The following LRP1B variants were observed in gnomAD, a reference collection of about 807,000 sequenced individuals.
The protein encoded by LRP1B is LDL receptor related protein 1B.
A neutral mutation model predicts 556.6 loss-of-function variants in LRP1B; 217 were observed. The ratio of observed to expected loss-of-function variants is 0.39; its 90% CI spans 0.35 to 0.44. The LOEUF (loss-of-function observed/expected upper bound fraction) is 0.44, where lower values mean the gene tolerates loss of function less well. Among genes scored for constraint, LRP1B ranks in the 20% least tolerant of loss-of-function variants. LRP1B has a pLI of 1.00. For missense variants in LRP1B, 5,053 were observed against 5,620.8 expected, an observed-to-expected ratio of 0.90 and a Z score of 3.23; for synonymous variants, 2,047 against 1,865.8, an observed-to-expected ratio of 1.10 and a Z score of -2.50.
chr2:141,315,325 T>C (rs1032104780), intron 3 of LRP1B, among the ~76,000 whole-genome samples: 2 of 134,614 alleles, frequency 1.5e-5, no homozygotes, highest in Non-Finnish European at 3.1e-5. Flanking sequence ...AGTGGCGCGA[T>C]CTTGGCTCAC....
chr2:141,456,766 AT>A (rs1393389668), intron 3 of LRP1B, among the ~76,000 whole-genome samples: 1 of 152,218 alleles, frequency 6.6e-6, no homozygotes, highest in Non-Finnish European at 1.5e-5. Flanking sequence ...TAGCAAAAGT[AT>A]TTCAAGTAGT....
chr2:141,783,456 C>T (rs1310388573), intron 2 of LRP1B, among the ~76,000 whole-genome samples: 6 of 152,000 alleles, frequency 3.9e-5, no homozygotes, highest in South Asian at 2.1e-4. Context: ...TGAAAATTTC[C>T]TTGACTGCAT....
rs769462194 is a variant in LRP1B at position 141,480,487 on chromosome 2, G to A, written c.252C>T (p.Cys84=). 6 of 1,613,802 alleles carry A rather than the reference G, an allele frequency of 3.7e-6. No homozygotes were observed. The South Asian group carries it at 6.6e-5, about 18-fold the overall frequency. The change falls in exon 3 of 91, where the codon TGC becomes TGT. Residue 84 remains cysteine, a synonymous_variant. Coordinates refer to ENST00000389484, the MANE Select transcript of LRP1B (RefSeq NM_018557.3). ...AATGAACACATTTGTTGGTACCAAG[G>A]CAAGCAATGTGATTCAAGGGGCACT... ...EIKCPLNHIA[C]LGTNKCVHLS...
chr2:140,276,644 A>G (rs1573722238), intron 84 of LRP1B, among the ~76,000 whole-genome samples: 1 of 151,994 alleles, frequency 6.6e-6, no homozygotes, highest in Admixed American at 6.6e-5. Context: ...CCTCTAACTC[A>G]TAAAAAGCTC....
intron 20 of LRP1B, among the ~76,000 whole-genome samples, chr2:140,935,964 CTATA>C (rs1302851495): frequency 6.6e-6 from 1 of 150,854 alleles, no homozygotes; most frequent in African/African-American, 2.4e-5. Context: ...ATACATATAC[CTATA>C]TATATGCATA....
intron 60 of LRP1B, among the ~76,000 whole-genome samples, chr2:140,460,166 T>C (rs2105327696): frequency 6.6e-6 from 1 of 152,254 alleles, no homozygotes; most frequent in Middle Eastern, 3.4e-3. Flanking sequence ...ATAAAAGTAC[T>C]GGTATTTGAA....
At position 141,111,542 on chromosome 2, in the gene LRP1B, G is replaced by A. The variant is rs148049567; in HGVS notation, c.1014-49269C>T. Reference sequence around the variant, plus strand: ...GTGCACTTAAGGGACCTTGTACTACGGGGCTTGCCTAAACATGGCCACAGT... The same window carrying A: ...GTGCACTTAAGGGACCTTGTACTACAGGGCTTGCCTAAACATGGCCACAGT... On this transcript the variant is annotated intron_variant, in intron 7 of 90. Coordinates refer to ENST00000389484, the MANE Select transcript of LRP1B (RefSeq NM_018557.3). Among the ~76,000 whole-genome samples, 34 of 152,206 alleles carry A rather than the reference G, an allele frequency of 2.2e-4. No individual in the cohort carries two copies. In the South Asian group the frequency reaches 3.7e-3, roughly 17 times the overall value.
chr2:140,606,797 A>G (rs1682883189), intron 41 of LRP1B, among the ~76,000 whole-genome samples: 1 of 152,048 alleles, frequency 6.6e-6, no homozygotes, highest in South Asian at 2.1e-4. Context: ...ACACCCACAC[A>G]TATAACTAAA....
At chr2:141,116,340 G>A (rs1254320689) in intron 7 of LRP1B, among the ~76,000 whole-genome samples, 1 of 152,138 alleles carries the variant, frequency 6.6e-6, no homozygotes, top group African/African-American at 2.4e-5. Context: ...AAGAAGTAAA[G>A]CAAATACTCA....
intron 25 of LRP1B, among the ~76,000 whole-genome samples, chr2:140,876,584 A>T (rs1360720142): frequency 1.3e-5 from 2 of 152,144 alleles, no homozygotes; most frequent in Non-Finnish European, 2.9e-5. Flanking sequence ...CCATCCCTGT[A>T]CAGGGTTCCT....
intron 3 of LRP1B, among the ~76,000 whole-genome samples, chr2:141,323,688 A>G (rs111935850): frequency 3.3e-5 from 5 of 152,060 alleles, no homozygotes; most frequent in African/African-American, 1.2e-4. Context: ...ATCAAGACTC[A>G]CAGATGTTAC....
At chr2:141,112,274 A>G (rs1700775560) in intron 7 of LRP1B, among the ~76,000 whole-genome samples, 2 of 151,852 alleles carry the variant, frequency 1.3e-5, no homozygotes, top group Admixed American at 1.3e-4. Context: ...CCTGCTGCCC[A>G]TTTTCCCTGC....
At chr2:141,737,183 C>T (rs537707668) in intron 2 of LRP1B, among the ~76,000 whole-genome samples, 1 of 152,258 alleles carries the variant, frequency 6.6e-6, no homozygotes, top group East Asian at 1.9e-4. Flanking sequence ...GAAACCCTGT[C>T]TCTACTAAAA....
chr2:141,407,027 G>A (rs1241436875), intron 3 of LRP1B, among the ~76,000 whole-genome samples: 1 of 152,088 alleles, frequency 6.6e-6, no homozygotes, highest in Non-Finnish European at 1.5e-5. Flanking sequence ...CAATATTTCT[G>A]TACCACAAAG....
In LRP1B at chr2:140,442,639, G is replaced by A. The variant is rs1224999469; in HGVS notation, c.10295-16C>T. 6.8e-6 allele frequency: 11 copies of A among 1,611,232 alleles called. No homozygotes were observed. The highest frequency in any genetic ancestry group is 9.3e-6 in the Non-Finnish European group (11 of 1,178,884). On this transcript the variant is annotated splice_polypyrimidine_tract_variant and intron_variant, in intron 65 of 90. Coordinates refer to ENST00000389484, the MANE Select transcript of LRP1B (RefSeq NM_018557.3). ...CTGTTTTCAGCTTAGAAAGAAAACT[G>A]CCATTAAAATGTAGCTTTGGAGAAC...
At chr2:141,720,593 G>A (rs1009034235) in intron 2 of LRP1B, among the ~76,000 whole-genome samples, 6 of 151,800 alleles carry the variant, frequency 4.0e-5, no homozygotes, top group East Asian at 3.9e-4. Flanking sequence ...TTTTAACATC[G>A]TCATTAATTC....
intron 83 of LRP1B, among the ~76,000 whole-genome samples, chr2:140,302,659 T>A (rs1683885336): frequency 6.6e-6 from 1 of 152,078 alleles, no homozygotes; most frequent in South Asian, 2.1e-4. Flanking sequence ...CCAGTGTGGG[T>A]GGGTATCATC....
chr2:141,429,183 A>G (rs1322491131), intron 3 of LRP1B, among the ~76,000 whole-genome samples: 1 of 152,130 alleles, frequency 6.6e-6, no homozygotes, highest in Non-Finnish European at 1.5e-5. Flanking sequence ...CTGCCCAGTG[A>G]TTTCCACCTC....
intron 41 of LRP1B, among the ~76,000 whole-genome samples, chr2:140,604,847 A>G (rs1473689276): frequency 6.6e-6 from 1 of 151,762 alleles, no homozygotes; most frequent in Non-Finnish European, 1.5e-5. Context: ...AAAGTCTCAC[A>G]AAATCTAATG....
Sources: allele counts gnomAD v4.1 joint callset (sites outside exome capture counted in the v4.1 genomes callset), GRCh38; gene constraint gnomAD v4.1.1; transcripts MANE v1.5; gene names NCBI Gene and HGNC (gene_info 2026-07-23, HGNC 2026-07-21).